The following EPN2 variants were observed in gnomAD, a reference collection of about 807,000 sequenced individuals.
EPN2 encodes the protein epsin 2.
A neutral mutation model predicts 61.7 loss-of-function variants in EPN2; 34 were observed. That is an observed-to-expected ratio of 0.55 (90% CI 0.42 to 0.73). The LOEUF is 0.73. Among genes scored for constraint, EPN2 ranks in the 30% least tolerant of loss-of-function variants. EPN2 has a pLI of 0.00. For missense variants in EPN2, 714 were observed against 839.2 expected, an observed-to-expected ratio of 0.85 and a Z score of 1.84; for synonymous variants, 349 against 353.6, an observed-to-expected ratio of 0.99 and a Z score of 0.15.
chr17:19,266,304 A>G (rs1490445900), intron 1 of EPN2, among the ~76,000 whole-genome samples: 4 of 152,194 alleles, frequency 2.6e-5, no homozygotes, highest in Non-Finnish European at 4.4e-5. Context: ...TAGTTACCAT[A>G]TGACCCAGCA....
At chr17:19,237,843 G>T (rs1160525535) in intron 1 of EPN2, among the ~76,000 whole-genome samples, 1 of 152,068 alleles carries the variant, frequency 6.6e-6, no homozygotes, top group African/African-American at 2.4e-5. Flanking sequence ...AGAGTCCAGG[G>T]CGCCCCTTAC....
chr17:19,319,015 G>A (rs1222945159), intron 7 of EPN2, among the ~76,000 whole-genome samples: 2 of 151,980 alleles, frequency 1.3e-5, no homozygotes, highest in Non-Finnish European at 2.9e-5. Context: ...TGGCCAACAT[G>A]GTGAAACCCC....
At chr17:19,289,625 T>C (rs535672138) in intron 4 of EPN2, among the ~76,000 whole-genome samples, 21 of 150,576 alleles carry the variant, frequency 1.4e-4, no homozygotes, top group African/African-American at 4.1e-4. Flanking sequence ...AAGTCTGGAG[T>C]TGGGGGGAGA....
chr17:19,327,993 C>G (rs947799812), intron 7 of EPN2, among the ~76,000 whole-genome samples: 3 of 152,218 alleles, frequency 2.0e-5, no homozygotes, highest in African/African-American at 4.8e-5. Flanking sequence ...ATGCACATCA[C>G]AGCGTTGACA....
chr17:19,292,692 TGTGATTC>T (rs1366276344), intron 4 of EPN2, among the ~76,000 whole-genome samples: 1 of 152,244 alleles, frequency 6.6e-6, no homozygotes, highest in African/African-American at 2.4e-5. Flanking sequence ...GGGATTTGAA[TGTGATTC>T]GTGAATGGCT....
chr17:19,326,686 C>CAAAAA (rs36161060), intron 7 of EPN2, among the ~76,000 whole-genome samples: 63,550 of 76,830 alleles, frequency 0.83, 27,296 homozygotes, highest in Non-Finnish European at 0.87. Context: ...GACTCCGTCT[C>CAAAAA]AAAAAAAAAA....
intron 1 of EPN2, among the ~76,000 whole-genome samples, chr17:19,267,556 A>T (rs115106632): frequency 0.043 from 6,082 of 139,918 alleles, 288 homozygotes; most frequent in African/African-American, 0.14. Flanking sequence ...TTTTTTTTTT[A>T]AAAAAAGACA....
chr17:19,308,319 C>T, intron 4 of EPN2: 2 of 941,496 alleles, frequency 2.1e-6, no homozygotes, highest in Non-Finnish European at 2.5e-6. Context: ...GGTGATCCGC[C>T]CGTCTCAGCC....
intron 7 of EPN2, among the ~76,000 whole-genome samples, chr17:19,325,185 C>T (rs536867643): frequency 5.3e-5 from 8 of 152,272 alleles, no homozygotes; most frequent in Non-Finnish European, 7.4e-5. Flanking sequence ...AAGAAACAAT[C>T]CCACTTTCAT....
intron 4 of EPN2, among the ~76,000 whole-genome samples, chr17:19,307,383 T>A (rs1216613487): frequency 6.6e-6 from 1 of 152,114 alleles, no homozygotes; most frequent in East Asian, 1.9e-4. Context: ...CGATCTCAGC[T>A]CACTGCAAGC....
chr17:19,270,159 C>T (rs1198075338), intron 1 of EPN2, among the ~76,000 whole-genome samples: 2 of 152,174 alleles, frequency 1.3e-5, no homozygotes, highest in Non-Finnish European at 2.9e-5. Context: ...AAGAATAACT[C>T]CTCCATAGGA....
intron 4 of EPN2, chr17:19,303,936 C>T (rs1003565253): frequency 6.6e-5 from 10 of 152,160 alleles, no homozygotes; most frequent in African/African-American, 2.4e-4. Context: ...AATCCCGTCT[C>T]TCCTAAAAAT....
chr17:19,268,605 A>G (rs1263147710), intron 1 of EPN2, among the ~76,000 whole-genome samples: 3 of 152,232 alleles, frequency 2.0e-5, no homozygotes, highest in African/African-American at 4.8e-5. Flanking sequence ...CAGAGTTTGT[A>G]TATCTTATGA....
chr17:19,294,889 G>A (rs1014255324), intron 4 of EPN2, among the ~76,000 whole-genome samples: 1 of 151,936 alleles, frequency 6.6e-6, no homozygotes. Context: ...AGCTGCTGAC[G>A]GTGTCTTTAT....
intron 1 of EPN2, among the ~76,000 whole-genome samples, chr17:19,254,352 G>A (rs2152204267): frequency 6.6e-6 from 1 of 152,012 alleles, no homozygotes; most frequent in South Asian, 2.1e-4. Context: ...GACCAGCCTA[G>A]CCAACATGGT....
chr17:19,295,362 A>ACGTGCGCGCG (rs1182989127), intron 4 of EPN2, among the ~76,000 whole-genome samples: 1 of 71,004 alleles, frequency 1.4e-5, no homozygotes, highest in Admixed American at 1.2e-4. Flanking sequence ...ACACACACAC[A>ACGTGCGCGCG]CACACGCGCG....
chr17:19,323,766 G>A (rs1906748078), intron 7 of EPN2, among the ~76,000 whole-genome samples: 1 of 152,158 alleles, frequency 6.6e-6, no homozygotes, highest in South Asian at 2.1e-4. Context: ...AACAACAACA[G>A]CAACAAAAAC....
chr17:19,247,572 G>A (rs2044966928), intron 1 of EPN2, among the ~76,000 whole-genome samples: 2 of 152,240 alleles, frequency 1.3e-5, no homozygotes, highest in Non-Finnish European at 2.9e-5. Flanking sequence ...TGGGGTAGGT[G>A]CTTGAGTGTG....
At chr17:19,259,398 C>T (rs1375833722) in intron 1 of EPN2, among the ~76,000 whole-genome samples, 1 of 150,224 alleles carries the variant, frequency 6.7e-6, no homozygotes, top group Non-Finnish European at 1.5e-5. Flanking sequence ...CTGCAAGCTC[C>T]ACCTCCCGGG....
Sources: allele counts gnomAD v4.1 joint callset (sites outside exome capture counted in the v4.1 genomes callset), GRCh38; gene constraint gnomAD v4.1.1; transcripts MANE v1.5; gene names NCBI Gene and HGNC (gene_info 2026-07-23, HGNC 2026-07-21).